The following SIK2 variants were observed in gnomAD, a reference collection of about 807,000 sequenced individuals.
SIK2 encodes the protein salt inducible kinase 2.
Under a neutral mutation model 103.2 loss-of-function variants are expected in SIK2, and 29 were observed. That is an observed-to-expected ratio of 0.28 (90% CI 0.21 to 0.38). The LOEUF is 0.38. SIK2 is among the 10% of genes least tolerant of loss of function. The pLI is 1.00. For synonymous variants in SIK2, 412 were observed against 446.1 expected, an observed-to-expected ratio of 0.92 and a Z score of 0.96; for missense variants, 879 against 1,171.0, an observed-to-expected ratio of 0.75 and a Z score of 3.64.
At position 111,722,196 on chromosome 11, in the gene SIK2, C is replaced by G. The variant is rs1943822524; in HGVS notation, c.2055+256C>G. 6.6e-6 allele frequency among the ~76,000 whole-genome samples: 1 copy of G among 152,194 alleles called. No homozygotes were observed. Among genetic ancestry groups the G allele is most frequent in the African/African-American group, 2.4e-5 (1 of 41,450 alleles). On this transcript the variant is annotated intron_variant, in intron 13 of 14. Coordinates refer to ENST00000304987, the MANE Select transcript of SIK2 (RefSeq NM_015191.3). This position sits in a 1 kb window ranked among gnomAD's most constrained non-coding sequence, Gnocchi z 4.4. ...CCACTGAGGGGTGGGAACGGGAGAC[C>G]TGGCTTCTTTCTTTCTAATTGTATT...
Position 111,712,322 on chromosome 11 carries a change from G to T in SIK2, c.1213G>T (p.Gly405Cys). ...GGAGGCCTTTTCATTTCCAGCATCT[G>T]GCTGTCAGGCGGAAGCTGCATTCAT... ...NVEAFSFPAS[G>C]CQAEAAFMEE... Residue 405 changes from glycine to cysteine, a missense_variant, in exon 9 of 15, where the codon GGC becomes TGC. This residue lies in a region of SIK2 where 222 missense variants were observed against 258.0 expected (regional missense o/e 0.86). Transcript: ENST00000304987. 6.2e-7 allele frequency: 1 copy of T among 1,614,194 alleles called. No individual in the cohort carries two copies. Among genetic ancestry groups the T allele is most frequent in the Non-Finnish European group, 8.5e-7 (1 of 1,180,032 alleles).
At chr11:111,646,260 A>G (rs1942255975) in intron 3 of SIK2, among the ~76,000 whole-genome samples, 1 of 151,990 alleles carries the variant, frequency 6.6e-6, no homozygotes, top group African/African-American at 2.4e-5. Flanking sequence ...GACCAGCCTG[A>G]CCAATATAGT....
At chr11:111,662,295 A>C (rs1201866590) in intron 3 of SIK2, among the ~76,000 whole-genome samples, 1 of 152,240 alleles carries the variant, frequency 6.6e-6, no homozygotes, top group African/African-American at 2.4e-5. Flanking sequence ...TTTATTAAGC[A>C]CTAACTATAT....
At chr11:111,618,343 C>T (rs1031018448) in intron 2 of SIK2, among the ~76,000 whole-genome samples, 33 of 152,172 alleles carry the variant, frequency 2.2e-4, no homozygotes, top group Non-Finnish European at 4.0e-4. Flanking sequence ...TGTGACCCGG[C>T]GGTTAGGAAC....
intron 2 of SIK2, among the ~76,000 whole-genome samples, chr11:111,618,775 G>A (rs149569214): frequency 1.4e-4 from 21 of 152,186 alleles, no homozygotes; most frequent in African/African-American, 4.8e-4. Flanking sequence ...CTGTCACCCA[G>A]CGTGGGGTGC....
chr11:111,657,136 T>C (rs1194650276), intron 3 of SIK2, among the ~76,000 whole-genome samples: 1 of 152,244 alleles, frequency 6.6e-6, no homozygotes, highest in African/African-American at 2.4e-5. Context: ...GGCAGGATTT[T>C]TAAAAATGAG....
intron 3 of SIK2, among the ~76,000 whole-genome samples, chr11:111,657,810 T>C (rs975726127): frequency 2.6e-5 from 4 of 151,966 alleles, no homozygotes; most frequent in Non-Finnish European, 5.9e-5. Flanking sequence ...GTTATGAGGT[T>C]TATATGAGAA....
At chr11:111,665,055 A>G (rs1303394872) in intron 3 of SIK2, among the ~76,000 whole-genome samples, 1 of 152,172 alleles carries the variant, frequency 6.6e-6, no homozygotes, top group Non-Finnish European at 1.5e-5. Context: ...TGCTTCTAAA[A>G]TAGTGGACTT....
chr11:111,634,539 C>G (rs990054640), intron 3 of SIK2, among the ~76,000 whole-genome samples: 2 of 152,108 alleles, frequency 1.3e-5, no homozygotes, highest in African/African-American at 4.8e-5. Context: ...TCTATCATGG[C>G]TTTAATTCAG....
At chr11:111,628,524 G>A (rs1468700628) in intron 3 of SIK2, among the ~76,000 whole-genome samples, 1 of 150,706 alleles carries the variant, frequency 6.6e-6, no homozygotes, top group African/African-American at 2.4e-5. Flanking sequence ...CTGCAGCCTC[G>A]ACCTCCTGGG....
intron 9 of SIK2, among the ~76,000 whole-genome samples, chr11:111,719,356 CTTTT>C (rs10595659): frequency 0.041 from 4,864 of 118,810 alleles, 204 homozygotes; most frequent in African/African-American, 0.11. Flanking sequence ...GTGACTACCC[CTTTT>C]TTTTTTTTTT....
intron 8 of SIK2, among the ~76,000 whole-genome samples, chr11:111,708,903 C>T (rs958808762): frequency 1.3e-5 from 2 of 152,160 alleles, no homozygotes; most frequent in Non-Finnish European, 2.9e-5. Context: ...AGCCACCACA[C>T]CTGGCCTAAC....
At chr11:111,719,240 A>C (rs1440334552) in intron 9 of SIK2, among the ~76,000 whole-genome samples, 1 of 152,144 alleles carries the variant, frequency 6.6e-6, no homozygotes, top group Non-Finnish European at 1.5e-5. Context: ...AGGCATATAG[A>C]ACCAATTAAA....
At chr11:111,609,041 C>T (rs1414506387) in intron 1 of SIK2, among the ~76,000 whole-genome samples, 2 of 151,332 alleles carry the variant, frequency 1.3e-5, no homozygotes, top group Non-Finnish European at 1.5e-5. Context: ...TACATGTTTA[C>T]ATTTTGTTAC....
At chr11:111,646,036 A>G (rs1297701568) in intron 3 of SIK2, among the ~76,000 whole-genome samples, 1 of 152,216 alleles carries the variant, frequency 6.6e-6, no homozygotes, top group African/African-American at 2.4e-5. Context: ...TATTTCAAAC[A>G]AAAGCAGTGT....
chr11:111,713,233 G>T lies in SIK2; in HGVS notation c.1266+858G>T, dbSNP rs113859138. On this transcript the variant is annotated intron_variant, in intron 9 of 14. Transcript: ENST00000304987. The stretch of plus-strand genomic sequence containing the variant: ...TGAAGTTGGCATTTAGGATACAGAA[G>T]ATGACAGCTTCTCTCATTCATAGAT... 4.1e-3 allele frequency among the ~76,000 whole-genome samples: 621 copies of T among 152,272 alleles called. 5 individuals carry two copies. Among genetic ancestry groups the T allele is most frequent in the African/African-American group, 0.014 (592 of 41,556 alleles).
intron 1 of SIK2, among the ~76,000 whole-genome samples, chr11:111,614,144 C>T (rs973353693): frequency 2.0e-5 from 3 of 150,248 alleles, no homozygotes; most frequent in African/African-American, 7.3e-5. Context: ...CGCAGTGGCA[C>T]GATCTTGGCT....
At position 111,687,987 on chromosome 11, in the gene SIK2, C is replaced by T; in HGVS notation, c.317-14C>T. 1 of 1,611,658 alleles carries T rather than the reference C, an allele frequency of 6.2e-7. No homozygotes were observed. Among genetic ancestry groups the T allele is most frequent in the African/African-American group, 1.3e-5 (1 of 74,874 alleles). Reference sequence around the variant, plus strand: ...ATTTTGGTGACTAATTCTTAATCCTCTCTTCATTTACAGACTATCTTGCTA... The same window carrying T: ...ATTTTGGTGACTAATTCTTAATCCTTTCTTCATTTACAGACTATCTTGCTA... On this transcript the variant is annotated splice_polypyrimidine_tract_variant and intron_variant, in intron 3 of 14. Transcript: ENST00000304987.
chr11:111,730,299 A>G lies in SIK2; in HGVS notation c.*6170A>G, dbSNP rs1434360758. ...TGCTGGCTCTGTGGTGTCTGTCTGC[A>G]GAAGATTTGCTCAGTCAAGGAAATT... On this transcript the variant is annotated 3_prime_UTR_variant, in exon 15 of 15. Transcript: ENST00000304987. 2.6e-5 allele frequency: 4 copies of G among 152,246 alleles called. No individual in the cohort carries two copies. The highest frequency in any genetic ancestry group is 5.9e-5 in the Non-Finnish European group (4 of 68,054). The allele number at this position is 152,246 out of a possible 1,614,324, so 9.4% of individuals were successfully genotyped here. A position where few individuals can be genotyped will look rare whatever the true frequency, so the allele number is the denominator to read the frequency against.
Sources: gnomAD v4.1 joint callset for allele counts (sites outside exome capture counted in the v4.1 genomes callset) on GRCh38, gnomAD v4.1.1 for gene constraint, gnomAD v4.1.1 regional missense constraint, Gnocchi (gnomAD v3.1) non-coding constraint, MANE v1.5 for transcripts, NCBI Gene and HGNC (gene_info 2026-07-23, HGNC 2026-07-21) for gene names.